DTNA: variants seen among roughly 807,000 people sequenced by gnomAD.
DTNA encodes the protein dystrophin-related protein 3.
A neutral mutation model predicts 100.7 loss-of-function variants in DTNA; 43 were observed. The ratio of observed to expected loss-of-function variants is 0.43; its 90% confidence interval spans 0.33 to 0.55. The LOEUF (loss-of-function observed/expected upper bound fraction) is 0.55. Ranked by LOEUF, DTNA falls within the 20% of genes least tolerant of loss-of-function variation. DTNA has a pLI of 0.04. For synonymous variants in DTNA, 349 were observed against 347.9 expected (o/e 1.00, Z -0.04); for missense variants, 798 against 953.9 (o/e 0.84, Z 2.15).
intron 4 of DTNA, among the ~76,000 whole-genome samples, chr18:34,800,123 G>A (rs530823095): frequency 4.7e-4 from 72 of 152,238 alleles, no homozygotes; most frequent in African/African-American, 1.6e-3. Context: ...CATTATCATC[G>A]TATTCAAACA....
intron 1 of DTNA, among the ~76,000 whole-genome samples, chr18:34,585,912 ATTGT>A (rs1295402752): frequency 3.9e-5 from 6 of 152,302 alleles, no homozygotes; most frequent in Admixed American, 2.6e-4. Context: ...GAAAAAGCTA[ATTGT>A]TTGTAAAGAA....
intron 17 of DTNA, among the ~76,000 whole-genome samples, chr18:34,865,282 CT>C (rs71927925): frequency 1.2e-4 from 18 of 151,676 alleles, no homozygotes; most frequent in East Asian, 3.9e-4. Flanking sequence ...CTTTCTTTCT[CT>C]TTTTTTTGTC....
intron 1 of DTNA, among the ~76,000 whole-genome samples, chr18:34,601,010 A>G (rs1422265256): frequency 6.6e-6 from 1 of 152,188 alleles, no homozygotes; most frequent in East Asian, 1.9e-4. Flanking sequence ...TGATCCTACC[A>G]TTGGCCTAGA....
intron 1 of DTNA, among the ~76,000 whole-genome samples, chr18:34,558,516 C>T (rs1464023801): frequency 6.6e-6 from 1 of 152,032 alleles, no homozygotes; most frequent in African/African-American, 2.4e-5. Context: ...CGTTACTGCC[C>T]TTATGGAGTG....
rs1320555032 is a variant in DTNA, at chr18:34,765,984, C to T, written c.91C>T (p.Arg31Ter). ...EMRAQDLDRI[R>*]LSTYRTACKL... ...AGGGGCTCAAGATCTGGATCGCATC[C>T]GACTCTCCACCTACAGAACAGCATG... Residue 31 changes from arginine to a stop codon, truncating the protein, a stop_gained, in exon 3 of 23, where the codon CGA becomes TGA. Transcript: ENST00000444659. LOFTEE classifies it high-confidence loss of function. 3 of 1,613,768 alleles carry T rather than the reference C, an allele frequency of 1.9e-6. No individual in the cohort carries two copies. The highest frequency in any genetic ancestry group is 8.5e-7 in the Non-Finnish European group (1 of 1,179,750).
chr18:34,583,468 C>G (rs986739920), intron 1 of DTNA, among the ~76,000 whole-genome samples: 13 of 152,004 alleles, frequency 8.6e-5, no homozygotes, highest in Non-Finnish European at 1.6e-4. Context: ...GGGATACTTG[C>G]TTAAGTCTAC....
chr18:34,563,262 G>T (rs1181884632), intron 1 of DTNA, among the ~76,000 whole-genome samples: 1 of 152,164 alleles, frequency 6.6e-6, no homozygotes, highest in Non-Finnish European at 1.5e-5. Context: ...GAAGATGAAG[G>T]CAGACATTGG....
intron 3 of DTNA, among the ~76,000 whole-genome samples, chr18:34,777,425 T>G (rs1036786821): frequency 6.6e-6 from 1 of 152,242 alleles, no homozygotes; most frequent in African/African-American, 2.4e-5. Flanking sequence ...TTAAGTTGTA[T>G]TTCAGAAATG....
chr18:34,515,391 C>G (rs2041499217), intron 1 of DTNA, among the ~76,000 whole-genome samples: 1 of 152,072 alleles, frequency 6.6e-6, no homozygotes, highest in Non-Finnish European at 1.5e-5. Context: ...TTGAAAAATA[C>G]TATTACAATG....
At chr18:34,568,901 C>T (rs116731686) in intron 1 of DTNA, among the ~76,000 whole-genome samples, 8,416 of 152,254 alleles carry the variant, frequency 0.055, 680 homozygotes, top group African/African-American at 0.18. Flanking sequence ...CAGACATGAG[C>T]CGCCACACCT....
At chr18:34,654,440 A>G (rs2074062078) in intron 1 of DTNA, among the ~76,000 whole-genome samples, 1 of 152,198 alleles carries the variant, frequency 6.6e-6, no homozygotes, top group African/African-American at 2.4e-5. Context: ...ATTAAAGATG[A>G]GGAAACGCTT....
intron 10 of DTNA, among the ~76,000 whole-genome samples, chr18:34,828,347 G>A (rs1369803876): frequency 6.6e-6 from 1 of 152,150 alleles, no homozygotes; most frequent in Non-Finnish European, 1.5e-5. Flanking sequence ...TGCAAATCAA[G>A]CACCAGATAA....
At position 34,829,327 on chromosome 18, in the gene DTNA, T is replaced by C. The variant is rs3744925; in HGVS notation, c.1086-73T>C. 1.4e-4 allele frequency: 207 copies of C among 1,528,378 alleles called. 2 individuals are homozygous for C. In the East Asian group the frequency reaches 5.0e-3, roughly 37 times the overall value. The allele number at this position is 1,528,378 out of a possible 1,614,324, so 94.7% of individuals were successfully genotyped here. ...TCAATAAAGCTGTGTACACTAAATG[T>C]CTTTCCTCTCTGAGTGGGCCTTGCT... On this transcript the variant is annotated intron_variant, in intron 10 of 22. Transcript: ENST00000444659.
chr18:34,778,400 T>A (rs1019337954), intron 3 of DTNA, among the ~76,000 whole-genome samples: 2 of 152,168 alleles, frequency 1.3e-5, no homozygotes, highest in Non-Finnish European at 2.9e-5. Context: ...TATAGCATAT[T>A]TTATCTTTTT....
At chr18:34,762,265 A>G (rs1458780143) in intron 2 of DTNA, among the ~76,000 whole-genome samples, 1 of 152,214 alleles carries the variant, frequency 6.6e-6, no homozygotes, top group African/African-American at 2.4e-5. Flanking sequence ...AATTTCAGCA[A>G]GATATTGACC....
At chr18:34,577,707 T>G (rs571146589) in intron 1 of DTNA, among the ~76,000 whole-genome samples, 1 of 152,214 alleles carries the variant, frequency 6.6e-6, no homozygotes, top group Non-Finnish European at 1.5e-5. Context: ...TATTCCTGAG[T>G]TACTTGACTT....
chr18:34,581,471 G>GT (rs1035349835), intron 1 of DTNA, among the ~76,000 whole-genome samples: 1 of 151,832 alleles, frequency 6.6e-6, no homozygotes, highest in African/African-American at 2.4e-5. Flanking sequence ...TCTCTGATGT[G>GT]TTTTTTTAAA....
chr18:34,829,261 CCA>C, intron 10 of DTNA, 137 bp from the exon 11 acceptor site: 2 of 1,523,612 alleles, frequency 1.3e-6, no homozygotes, highest in Non-Finnish European at 1.8e-6. Flanking sequence ...CTTTCTGTCA[CCA>C]CAGAGATTGG....
chr18:34,753,468 C>T (rs549169119), intron 1 of DTNA, among the ~76,000 whole-genome samples: 1 of 141,828 alleles, frequency 7.1e-6, no homozygotes, highest in Non-Finnish European at 1.5e-5. Flanking sequence ...CTGCAAGCTC[C>T]GCCTCCCGGG....
Sources: gnomAD v4.1 joint callset for allele counts (sites outside exome capture counted in the v4.1 genomes callset) on GRCh38, gnomAD v4.1.1 for gene constraint, MANE v1.5 for transcripts, NCBI Gene and HGNC (gene_info 2026-07-23, HGNC 2026-07-21) for gene names.